The following DNM3 variants were observed in gnomAD, a reference collection of about 807,000 sequenced individuals.
DNM3 encodes the protein dynamin-3.
Under a neutral mutation model 101.6 loss-of-function variants are expected in DNM3, and 47 were observed. The observed-to-expected ratio is 0.46, with a 90% CI of 0.37 to 0.59. The LOEUF is 0.59. DNM3 is among the 20% of genes least tolerant of loss of function. DNM3 has a pLI of 0.00. For synonymous variants in DNM3, 385 were observed against 387.9 expected, an observed-to-expected ratio of 0.99 and a Z score of 0.09; for missense variants, 849 against 1,085.7, an observed-to-expected ratio of 0.78 and a Z score of 3.06.
At chr1:172,367,810 C>A (rs1432510338) in intron 17 of DNM3, among the ~76,000 whole-genome samples, 3 of 151,818 alleles carry the variant, frequency 2.0e-5, no homozygotes, top group Non-Finnish European at 2.9e-5. Context: ...TTCACTGTGT[C>A]CCCACCCAAA....
At chr1:172,039,634 G>C (rs2049224613) in intron 7 of DNM3, among the ~76,000 whole-genome samples, 1 of 152,026 alleles carries the variant, frequency 6.6e-6, no homozygotes, top group South Asian at 2.1e-4. Flanking sequence ...ACCGGGTCTT[G>C]CCTCTGTGAC....
At chr1:171,854,203 C>G (rs1370197318) in intron 1 of DNM3, among the ~76,000 whole-genome samples, 1 of 152,166 alleles carries the variant, frequency 6.6e-6, no homozygotes, top group African/African-American at 2.4e-5. Flanking sequence ...GAGCCTGACT[C>G]CCTGGGTTCA....
At chr1:172,031,349 A>G (rs575562837) in intron 4 of DNM3, among the ~76,000 whole-genome samples, 1 of 152,296 alleles carries the variant, frequency 6.6e-6, no homozygotes, top group Admixed American at 6.5e-5. Context: ...GAGTTGAACA[A>G]TGAGAACACA....
At chr1:172,230,829 A>G (rs1008219431) in intron 14 of DNM3, among the ~76,000 whole-genome samples, 1 of 151,950 alleles carries the variant, frequency 6.6e-6, no homozygotes, top group Admixed American at 6.6e-5. Flanking sequence ...TTCTCCCTCC[A>G]TCTTAGAACA....
At chr1:171,887,604 G>A (rs1397354119) in intron 1 of DNM3, among the ~76,000 whole-genome samples, 1 of 152,082 alleles carries the variant, frequency 6.6e-6, no homozygotes, top group Non-Finnish European at 1.5e-5. Flanking sequence ...GGAAACTTAA[G>A]ATAAACCTTT....
chr1:172,261,702 C>A (rs1028558441), intron 15 of DNM3, among the ~76,000 whole-genome samples: 1 of 152,210 alleles, frequency 6.6e-6, no homozygotes, highest in African/African-American at 2.4e-5. Context: ...AGTGGTCCAC[C>A]CCTGTGGTAG....
intron 2 of DNM3, among the ~76,000 whole-genome samples, chr1:171,972,987 C>T (rs1205685146): frequency 1.3e-5 from 2 of 152,138 alleles, no homozygotes; most frequent in Non-Finnish European, 2.9e-5. Context: ...TAAGTTAGTA[C>T]ATTTTTATGG....
chr1:172,048,720 A>C lies in DNM3; in HGVS notation c.1305A>C (p.Leu435Phe). 6.2e-7 allele frequency: 1 copy of C among 1,611,910 alleles called. No homozygotes were observed. Among genetic ancestry groups the C allele is most frequent in the Non-Finnish European group, 8.5e-7 (1 of 1,179,032 alleles). Residue 435 changes from leucine to phenylalanine, a missense_variant, in exon 10 of 21, where the codon TTA (leucine) becomes TTC (phenylalanine). Around this residue, in one of 5 missense-constraint regions of DNM3, gnomAD observed 193 missense variants for 238.4 expected, o/e 0.81. Transcript: ENST00000627582. ...LKSVDLVIQE[L>F]INTVKKCTKK... is the part of the protein sequence containing the mutation. ...GTGTGGATCTGGTAATACAAGAATTAATCAACACTGTGAAGAAGTGTACCA... is the reference window on the plus strand; with the variant it reads ...GTGTGGATCTGGTAATACAAGAATTCATCAACACTGTGAAGAAGTGTACCA...
At chr1:172,200,669 A>G (rs2060121291) in intron 14 of DNM3, among the ~76,000 whole-genome samples, 1 of 151,910 alleles carries the variant, frequency 6.6e-6, no homozygotes, top group Non-Finnish European at 1.5e-5. Flanking sequence ...AAGTTCTGAG[A>G]TACTTTTCTC....
chr1:172,345,573 C>G (rs1448791204), intron 17 of DNM3, among the ~76,000 whole-genome samples: 1 of 152,174 alleles, frequency 6.6e-6, no homozygotes, highest in Non-Finnish European at 1.5e-5. Context: ...TACATACATA[C>G]ACATATGCAC....
intron 10 of DNM3, among the ~76,000 whole-genome samples, chr1:172,068,079 G>T (rs1459434272): frequency 6.6e-6 from 1 of 152,206 alleles, no homozygotes; most frequent in Non-Finnish European, 1.5e-5. Context: ...TGTAATCCCA[G>T]CACTTTGGGA....
chr1:171,896,021 A>G (rs968629722), intron 1 of DNM3, among the ~76,000 whole-genome samples: 13 of 152,142 alleles, frequency 8.5e-5, no homozygotes, highest in African/African-American at 3.1e-4. Context: ...TACCAGTACC[A>G]TGCTGTTTTG....
At chr1:172,006,628 C>G (rs1009998889) in intron 4 of DNM3, among the ~76,000 whole-genome samples, 36 of 152,146 alleles carry the variant, frequency 2.4e-4, no homozygotes, top group Admixed American at 2.0e-3. Flanking sequence ...CCCTCCACCC[C>G]CTTCTTCTGT....
At chr1:172,315,708 A>T (rs2065307181) in intron 16 of DNM3, among the ~76,000 whole-genome samples, 1 of 152,324 alleles carries the variant, frequency 6.6e-6, no homozygotes, top group South Asian at 2.1e-4. Flanking sequence ...AAAAGAAACG[A>T]ACAAAGCCTC....
chr1:172,233,670 C>T (rs550617961), intron 14 of DNM3, among the ~76,000 whole-genome samples: 1 of 152,288 alleles, frequency 6.6e-6, no homozygotes, highest in Admixed American at 6.5e-5. Context: ...AATCCAGCAA[C>T]ACATCAAAAA....
chr1:171,930,605 T>G (rs1259605928), intron 2 of DNM3, among the ~76,000 whole-genome samples: 1 of 152,124 alleles, frequency 6.6e-6, no homozygotes, highest in Non-Finnish European at 1.5e-5. Context: ...GGGAGAAGCA[T>G]GGATCCCTGG....
intron 13 of DNM3, among the ~76,000 whole-genome samples, chr1:172,127,764 G>A (rs1473707723): frequency 6.6e-6 from 1 of 151,934 alleles, no homozygotes; most frequent in East Asian, 1.9e-4. Flanking sequence ...GCTAAAGAAA[G>A]AAAGAAAGGA....
intron 1 of DNM3, among the ~76,000 whole-genome samples, chr1:171,908,100 T>C (rs2038979796): frequency 6.6e-6 from 1 of 152,250 alleles, no homozygotes; most frequent in African/African-American, 2.4e-5. Flanking sequence ...TTCTGTTGAA[T>C]TCCATTCCTT....
chr1:172,082,011 C>T, intron 12 of DNM3, 109 bp downstream of exon 12: 3 of 1,156,256 alleles, frequency 2.6e-6, no homozygotes, highest in Non-Finnish European at 3.8e-6. Context: ...CAATCTGTGC[C>T]AGGATTAACT....
Sources: allele counts gnomAD v4.1 joint callset (sites outside exome capture counted in the v4.1 genomes callset), GRCh38; gene constraint gnomAD v4.1.1; regional missense constraint gnomAD v4.1.1; transcripts MANE v1.5; gene names NCBI Gene and HGNC (gene_info 2026-07-23, HGNC 2026-07-21).